The following ZNF829 variants were observed in gnomAD, a reference collection of about 807,000 sequenced individuals.
The protein encoded by ZNF829 is zinc finger protein 829.
Under a neutral mutation model 35.2 loss-of-function variants are expected in ZNF829, and 25 were observed. The ratio of observed to expected loss-of-function variants is 0.71; its 90% CI spans 0.52 to 0.99. ZNF829 has a LOEUF of 0.99. Among genes scored for constraint, ZNF829 ranks in the 50% least tolerant of loss-of-function variants. The pLI is 0.00. For synonymous variants in ZNF829, 136 were observed against 163.2 expected, an observed-to-expected ratio of 0.83 and a Z score of 1.27; for missense variants, 417 against 515.3, an observed-to-expected ratio of 0.81 and a Z score of 1.85.
rs1463385583 is a variant in ZNF829 at position 36,888,838 on chromosome 19, T to A, written c.*2654A>T. The A allele has an allele frequency of 1.3e-5, 2 of 152,310 alleles. No individual in the cohort carries two copies. Among genetic ancestry groups the A allele is most frequent in the Non-Finnish European group, 2.9e-5 (2 of 68,174 alleles). The allele number at this position is 152,310 out of a possible 1,614,324, so 9.4% of individuals were successfully genotyped here. ...CCCAGGCTGGAGTGCAATGGCACTA[T>A]CTCAGCTCACTGCAACCTCCGCTTC... On this transcript the variant is annotated 3_prime_UTR_variant, in exon 6 of 6. Coordinates refer to ENST00000391711, the MANE Select transcript of ZNF829 (RefSeq NM_001037232.4).
intron 5 of ZNF829, among the ~76,000 whole-genome samples, chr19:36,899,771 AAAG>A (rs1692157647): frequency 6.8e-6 from 1 of 147,158 alleles, no homozygotes; most frequent in Non-Finnish European, 1.5e-5. Context: ...AAAAAAAAAG[AAAG>A]AAGAAAAGAT....
chr19:36,891,921 A>G lies in ZNF829; in HGVS notation c.870T>C (p.His290=). The change falls in exon 6 of 6, where the codon CAT becomes CAC. Residue 290 remains histidine (H), a synonymous_variant. Transcript: ENST00000391711. ...SSQLFLHLRI[H]TGEKPYECKE... ...TACATTCATAAGGTTTCTCACCAGT[A>G]TGAATTCTCAGATGTAGAAAAAGTT... The G allele has an allele frequency of 1.2e-6, 2 of 1,614,058 alleles. No individual in the cohort carries two copies. The highest frequency in any genetic ancestry group is 1.7e-6 in the Non-Finnish European group (2 of 1,179,996).
At position 36,908,456 on chromosome 19, in the gene ZNF829, G is replaced by A. The variant is rs1449789995; in HGVS notation, c.100C>T (p.Pro34Ser). The change falls in exon 4 of 6, where the codon CCG becomes TCG. Residue 34 changes from proline to serine, a missense_variant. Transcript: ENST00000391711. ...DELLQAVSKG[P>S]VMFRDVSIDF... The stretch of plus-strand genomic sequence containing the variant: ...ATGGAAACATCCCTGAACATCACCG[G>A]CCCCTGAAACAACAAACATGCTTTC... 1.3e-6 allele frequency: 2 copies of A among 1,592,354 alleles called. No individual in the cohort carries two copies. The highest frequency in any genetic ancestry group is 1.7e-6 in the Non-Finnish European group (2 of 1,171,752).
intron 3 of ZNF829, among the ~76,000 whole-genome samples, chr19:36,911,424 CTGT>C (rs1410410595): frequency 2.0e-5 from 3 of 152,060 alleles, no homozygotes; most frequent in Admixed American, 1.3e-4. Flanking sequence ...GTTGTCCAGG[CTGT>C]TCTCAAACTC....
chr19:36,906,042 A>C (rs1168755039), intron 5 of ZNF829: 1 of 152,200 alleles, frequency 6.6e-6, no homozygotes, highest in Non-Finnish European at 1.5e-5. Flanking sequence ...ACATGGAAAA[A>C]AAATGAAATT....
intron 5 of ZNF829, among the ~76,000 whole-genome samples, chr19:36,902,513 T>A (rs2073177166): frequency 6.6e-6 from 1 of 152,110 alleles, no homozygotes; most frequent in Non-Finnish European, 1.5e-5. Flanking sequence ...CGTGCACCTG[T>A]AGTCCCAGCT....
At chr19:36,904,549 G>T (rs1330443070) in intron 5 of ZNF829, among the ~76,000 whole-genome samples, 1 of 152,058 alleles carries the variant, frequency 6.6e-6, no homozygotes, top group Non-Finnish European at 1.5e-5. Context: ...ACGGGCGCCT[G>T]CCACTATGCC....
rs1204028214 is a variant in ZNF829, at chr19:36,888,273, A to G, written c.*3219T>C. The G allele has an allele frequency of 2.0e-5, 3 of 152,170 alleles. No homozygotes were observed. The highest frequency in any genetic ancestry group is 4.8e-5 in the African/African-American group (2 of 41,434). 9.4% of individuals were successfully genotyped at this position (152,170 alleles called of 1,614,324 possible). A position where few individuals can be genotyped will look rare whatever the true frequency, so the allele number is the denominator to read the frequency against. ...AAAGTTTGATAAAACATTTAATAGT[A>G]TACATATTCCAGGGAAGATGTTTCC... On this transcript the variant is annotated 3_prime_UTR_variant, in exon 6 of 6. Coordinates refer to ENST00000391711, the MANE Select transcript of ZNF829 (RefSeq NM_001037232.4).
chr19:36,910,188 G>A (rs1055309041), intron 3 of ZNF829, among the ~76,000 whole-genome samples: 10 of 151,952 alleles, frequency 6.6e-5, no homozygotes, highest in Admixed American at 2.6e-4. Flanking sequence ...GGGTTCAAGC[G>A]ATTCTCCTCC....
intron 5 of ZNF829, chr19:36,905,676 G>C (rs1012242140): frequency 2.0e-5 from 3 of 152,140 alleles, no homozygotes; most frequent in African/African-American, 7.2e-5. Context: ...GACCCCAGGT[G>C]ATCCACCCAC....
chr19:36,894,970 C>G (rs2073098488), intron 5 of ZNF829, among the ~76,000 whole-genome samples: 1 of 151,868 alleles, frequency 6.6e-6, no homozygotes. Flanking sequence ...AGATTCAATC[C>G]AAAAAGGTTT....
At chr19:36,896,792 A>G (rs182192935) in intron 5 of ZNF829, among the ~76,000 whole-genome samples, 157 of 152,364 alleles carry the variant, frequency 1.0e-3, no homozygotes, top group African/African-American at 3.7e-3. Context: ...CTACACTAGA[A>G]TAAAACTAGA....
intron 3 of ZNF829, among the ~76,000 whole-genome samples, chr19:36,911,040 A>G (rs1172646380): frequency 3.9e-5 from 6 of 152,120 alleles, no homozygotes; most frequent in Non-Finnish European, 7.4e-5. Flanking sequence ...ACAAAAAAGT[A>G]AAACTATCAT....
intron 3 of ZNF829, among the ~76,000 whole-genome samples, chr19:36,910,831 AC>A (rs1156399805): frequency 6.6e-6 from 1 of 151,978 alleles, no homozygotes; most frequent in African/African-American, 2.4e-5. Context: ...ACATGGAGAA[AC>A]CCCATCTTTA....
rs1236213439 is a variant in ZNF829, at chr19:36,908,037, A to G, written c.224-13T>C. 1.9e-6 allele frequency: 3 copies of G among 1,611,594 alleles called. No homozygotes were observed. The highest frequency in any genetic ancestry group is 4.5e-5 in the East Asian group (2 of 44,874). Reference sequence around the variant, plus strand: ...GAATTGGAAAGTCCTGTTCACAAGAAAAGACATGGGACATGGTTATGCTGT... The same window carrying G: ...GAATTGGAAAGTCCTGTTCACAAGAGAAGACATGGGACATGGTTATGCTGT... On this transcript the variant is annotated splice_polypyrimidine_tract_variant and intron_variant, in intron 4 of 5. Coordinates refer to ENST00000391711, the MANE Select transcript of ZNF829 (RefSeq NM_001037232.4).
rs557006362 is a variant in ZNF829, at chr19:36,914,999, C to A, written c.62G>T (p.Arg21Ile). The change falls in exon 3 of 6, where the codon AGA (arginine) becomes ATA (isoleucine). Residue 21 changes from arginine (R) to isoleucine (I), a missense_variant. Arg to Ile is a moderately conservative substitution (Grantham distance 97). Transcript: ENST00000391711. Reference sequence around the variant, plus strand: ...TGCTTGTAGAAGTTCATCATGCATTCTTTCCTCCTCTTCTGGGTGACACCT... The same window carrying A: ...TGCTTGTAGAAGTTCATCATGCATTATTTCCTCCTCTTCTGGGTGACACCT... ...HVWCHPEEEERMHDELLQAVS... is the reference protein window; with the variant it reads ...HVWCHPEEEEIMHDELLQAVS... The A allele has an allele frequency of 2.5e-6, 4 of 1,614,160 alleles. No individual in the cohort carries two copies. In the East Asian group the frequency reaches 6.7e-5, roughly 27 times the overall value.
rs2073233241 is a variant in ZNF829, at chr19:36,907,991, A to G, written c.257T>C (p.Leu86Ser). The G allele has an allele frequency of 6.2e-7, 1 of 1,613,908 alleles. No homozygotes were observed. Among genetic ancestry groups the G allele is most frequent in the African/African-American group, 1.3e-5 (1 of 74,924 alleles). The change falls in exon 5 of 6, where the codon TTA (leucine) becomes TCA (serine). Residue 86 changes from leucine (L) to serine (S), a missense_variant. Leu to Ser is a moderately radical substitution (Grantham distance 145). Coordinates refer to ENST00000391711, the MANE Select transcript of ZNF829 (RefSeq NM_001037232.4). ...CCAGGGCTCTTTTCCTTGTTCCAATAAGGAGATCACAGCTGGCTTAGAATT... is the reference window on the plus strand; with the variant it reads ...CCAGGGCTCTTTTCCTTGTTCCAATGAGGAGATCACAGCTGGCTTAGAATT... ...LSNSKPAVIS[L>S]LEQGKEPWMV...
chr19:36,900,201 T>G (rs2073153149), intron 5 of ZNF829, among the ~76,000 whole-genome samples: 1 of 139,578 alleles, frequency 7.2e-6, no homozygotes, highest in Non-Finnish European at 1.5e-5. Flanking sequence ...CACACACAAA[T>G]TTGCTGGGCG....
intron 5 of ZNF829, among the ~76,000 whole-genome samples, chr19:36,905,203 A>G (rs999162899): frequency 1.3e-5 from 2 of 152,156 alleles, no homozygotes; most frequent in Admixed American, 1.3e-4. Context: ...GAAATTATTT[A>G]CAGCAATGTT....
Sources: gnomAD v4.1 joint callset for allele counts (sites outside exome capture counted in the v4.1 genomes callset) on GRCh38, gnomAD v4.1.1 for gene constraint, MANE v1.5 for transcripts, NCBI Gene and HGNC (gene_info 2026-07-23, HGNC 2026-07-21) for gene names.